KDM4C: variants seen among roughly 807,000 people sequenced by gnomAD.
KDM4C encodes lysine-specific demethylase 4C.
A neutral mutation model predicts 129.3 loss-of-function variants in KDM4C; 81 were observed. That is an observed-to-expected ratio of 0.63 (90% CI 0.52 to 0.75). The LOEUF is 0.75. KDM4C is among the 30% of genes least tolerant of loss of function. KDM4C has a pLI of 0.00. For missense variants in KDM4C, 1,457 were observed against 1,304.0 expected (o/e 1.12, Z -1.81); for synonymous variants, 573 against 456.1 (o/e 1.26, Z -3.26).
chr9:7,172,036 C>A (rs770786085), intron 21 of KDM4C, among the ~76,000 whole-genome samples: 3 of 152,186 alleles, frequency 2.0e-5, no homozygotes, highest in African/African-American at 7.2e-5. Context: ...TGGGTTGGTA[C>A]ATAGCCCTCA....
intron 5 of KDM4C, among the ~76,000 whole-genome samples, chr9:6,862,312 A>C (rs781005849): frequency 1.0e-3 from 156 of 152,290 alleles, no homozygotes; most frequent in Non-Finnish European, 2.2e-4. Context: ...ATTACTTATG[A>C]AATGTTTGAT....
chr9:6,961,547 A>G (rs7855459), intron 8 of KDM4C, among the ~76,000 whole-genome samples: 20 of 152,368 alleles, frequency 1.3e-4, no homozygotes, highest in African/African-American at 4.8e-4. Context: ...AGAATATAGT[A>G]TTTATACATA....
At chr9:6,786,581 A>G (rs1022159723) in intron 1 of KDM4C, among the ~76,000 whole-genome samples, 2 of 152,220 alleles carry the variant, frequency 1.3e-5, no homozygotes, top group African/African-American at 4.8e-5. Context: ...TGCTTGTTTT[A>G]AGATATACCT....
chr9:6,923,089 T>G (rs912199273), intron 8 of KDM4C, among the ~76,000 whole-genome samples: 1 of 152,362 alleles, frequency 6.6e-6, no homozygotes, highest in East Asian at 1.9e-4. Context: ...GGTATTTATT[T>G]GGTAAAGCCT....
intron 8 of KDM4C, among the ~76,000 whole-genome samples, chr9:6,958,639 A>G (rs1034140586): frequency 2.7e-5 from 4 of 150,158 alleles, no homozygotes. Context: ...TTTTCCCCCT[A>G]GTAGTTTGGC....
At chr9:7,039,682 T>C (rs987674305) in intron 15 of KDM4C, among the ~76,000 whole-genome samples, 3 of 152,080 alleles carry the variant, frequency 2.0e-5, no homozygotes, top group Non-Finnish European at 2.9e-5. Context: ...CAATAACTTA[T>C]GCTAGGGAAA....
intron 17 of KDM4C, among the ~76,000 whole-genome samples, chr9:7,065,263 A>G (rs909615723): frequency 3.3e-5 from 5 of 151,990 alleles, no homozygotes; most frequent in African/African-American, 1.2e-4. Context: ...TAAACTATGG[A>G]CTTTTTTTTT....
chr9:6,934,102 C>T (rs35742224), intron 8 of KDM4C, among the ~76,000 whole-genome samples: 60 of 152,092 alleles, frequency 3.9e-4, no homozygotes, highest in African/African-American at 1.4e-3. Flanking sequence ...ATCCGCCTGC[C>T]TCAGCCTCCC....
intron 4 of KDM4C, among the ~76,000 whole-genome samples, chr9:6,841,950 C>G (rs1180892405): frequency 6.6e-6 from 1 of 152,180 alleles, no homozygotes; most frequent in Non-Finnish European, 1.5e-5. Flanking sequence ...CTTAATTGCT[C>G]AGGCTTTGTG....
At chr9:6,835,187 A>G in intron 4 of KDM4C, 1 of 933,964 alleles carries the variant, frequency 1.1e-6, no homozygotes, top group South Asian at 1.3e-5. Flanking sequence ...ACTGACGGCC[A>G]GGTCATCACC....
chr9:6,981,707 CTTG>C (rs1308686398), intron 9 of KDM4C: 1 of 172,234 alleles, frequency 5.8e-6, no homozygotes, highest in African/African-American at 2.4e-5. Flanking sequence ...CTGTGGGCAT[CTTG>C]TTGTTTTAAA....
chr9:6,796,743 C>G lies in KDM4C; in HGVS notation c.144+3611C>G, dbSNP rs73639363. On this transcript the variant is annotated intron_variant, in intron 2 of 21. Transcript: ENST00000381309. ...ATTTACTCAATCCTGTGATAATTTC[C>G]TATTACTCATTATTAGGAATACAAC... 7.7e-3 allele frequency among the ~76,000 whole-genome samples: 1,168 copies of G among 152,276 alleles called. 14 individuals carry two copies. The highest frequency in any genetic ancestry group is 0.027 in the African/African-American group (1,106 of 41,554).
chr9:6,728,617 C>T (rs948826444), intron 1 of KDM4C, among the ~76,000 whole-genome samples: 5 of 152,036 alleles, frequency 3.3e-5, no homozygotes, highest in Middle Eastern at 3.4e-3. Context: ...GAGGCAGAGG[C>T]GGGCGGATCA....
At chr9:6,723,630 CA>C (rs4008336) in intron 1 of KDM4C, 41,060 of 111,902 alleles carry the variant, frequency 0.37, 5,949 homozygotes, top group Admixed American at 0.41. Context: ...GACTCCATCT[CA>C]AAAAAAAAAA....
chr9:7,015,564 C>T (rs1823506606), intron 14 of KDM4C, among the ~76,000 whole-genome samples: 1 of 152,004 alleles, frequency 6.6e-6, no homozygotes, highest in African/African-American at 2.4e-5. Flanking sequence ...TTAAACTTTG[C>T]CCCATGGATT....
intron 17 of KDM4C, among the ~76,000 whole-genome samples, chr9:7,064,455 A>G (rs980426421): frequency 2.0e-5 from 3 of 152,160 alleles, no homozygotes; most frequent in Admixed American, 6.5e-5. Context: ...GTCAGGTGAA[A>G]GATGATTTTA....
At chr9:6,926,843 C>T (rs2131265760) in intron 8 of KDM4C, among the ~76,000 whole-genome samples, 1 of 152,318 alleles carries the variant, frequency 6.6e-6, no homozygotes, top group Admixed American at 6.5e-5. Context: ...CAGTGGAAAT[C>T]TGGCAATTCT....
chr9:6,992,989 C>T (rs758763388), intron 12 of KDM4C, among the ~76,000 whole-genome samples: 8 of 152,288 alleles, frequency 5.3e-5, no homozygotes, highest in African/African-American at 1.4e-4. Context: ...GCCACTTGTA[C>T]GTTGCTATTC....
chr9:7,156,738 C>T (rs968095436), intron 19 of KDM4C, among the ~76,000 whole-genome samples: 44 of 152,254 alleles, frequency 2.9e-4, no homozygotes, highest in African/African-American at 9.4e-4. Flanking sequence ...CAGTACCATG[C>T]TGTTTTGGTT....
Sources: gnomAD v4.1 joint callset for allele counts (sites outside exome capture counted in the v4.1 genomes callset) on GRCh38, gnomAD v4.1.1 for gene constraint, MANE v1.5 for transcripts, NCBI Gene and HGNC (gene_info 2026-07-23, HGNC 2026-07-21) for gene names.